The following SMNDC1 variants were observed in gnomAD, a reference collection of about 807,000 sequenced individuals.
SMNDC1 encodes survival of motor neuron-related-splicing factor 30.
In SMNDC1, 5 loss-of-function variants were observed where a neutral mutation model predicts 29.2. The ratio of observed to expected loss-of-function variants is 0.17; its 90% CI spans 0.09 to 0.36. The LOEUF (loss-of-function observed/expected upper bound fraction) is 0.36, where lower values mean the gene tolerates loss of function less well. Ranked by LOEUF, SMNDC1 falls within the 10% of genes least tolerant of loss-of-function variation. SMNDC1 has a pLI of 1.00. For missense variants in SMNDC1, 142 were observed against 268.5 expected (o/e 0.53, Z 3.29); for synonymous variants, 80 against 89.9 (o/e 0.89, Z 0.62).
At chr10:110,300,680 G>A in intron 2 of SMNDC1, 2 of 985,298 alleles carry the variant, frequency 2.0e-6, no homozygotes, top group Non-Finnish European at 2.4e-6. Context: ...GGTCAAATGG[G>A]GTGCACTCAA....
chr10:110,304,459 C>G (rs1268792692), intron 1 of SMNDC1: 3 of 152,292 alleles, frequency 2.0e-5, no homozygotes, highest in Non-Finnish European at 1.5e-5. Context: ...AGACCACCGC[C>G]GGAGCCCCGC....
chr10:110,299,616 G>A (rs1464242885), intron 2 of SMNDC1, among the ~76,000 whole-genome samples: 1 of 152,186 alleles, frequency 6.6e-6, no homozygotes, highest in Non-Finnish European at 1.5e-5. Context: ...CTCTAATGAA[G>A]ATCCACACTA....
intron 4 of SMNDC1, among the ~76,000 whole-genome samples, chr10:110,297,074 TCTTA>T (rs371080883): frequency 2.9e-4 from 44 of 152,308 alleles, no homozygotes; most frequent in Middle Eastern, 3.4e-3. Context: ...TGTACTTGGC[TCTTA>T]CTCTTTTCAA....
intron 2 of SMNDC1, among the ~76,000 whole-genome samples, chr10:110,302,104 T>C (rs983079781): frequency 1.3e-5 from 2 of 152,206 alleles, no homozygotes; most frequent in African/African-American, 4.8e-5. Context: ...GGCATCTCTC[T>C]TTGGGGCAAA....
chr10:110,295,535 C>A (rs1857552515), intron 4 of SMNDC1, among the ~76,000 whole-genome samples, 154 bp from the exon 5 acceptor site: 1 of 151,886 alleles, frequency 6.6e-6, no homozygotes, highest in Non-Finnish European at 1.5e-5. Flanking sequence ...TACCAATCAC[C>A]CAGAATTACT....
chr10:110,296,853 C>G (rs529825166), intron 4 of SMNDC1, among the ~76,000 whole-genome samples: 1 of 152,226 alleles, frequency 6.6e-6, no homozygotes, highest in South Asian at 2.1e-4. Context: ...CTCACCTCCC[C>G]CCTTTAAAAA....
In SMNDC1 at chr10:110,293,183, T is replaced by C. The variant is rs1319340795; in HGVS notation, c.*967A>G. The C allele has an allele frequency of 6.6e-6, 1 of 152,644 alleles. No homozygotes were observed. Among genetic ancestry groups the C allele is most frequent in the African/African-American group, 2.4e-5 (1 of 41,448 alleles). 9.5% of individuals were successfully genotyped at this position (152,644 alleles called of 1,614,324 possible). A position where few individuals can be genotyped will look rare whatever the true frequency, so the allele number is the denominator to read the frequency against. On this transcript the variant is annotated 3_prime_UTR_variant, in exon 6 of 6. Transcript: ENST00000369603. ...GCTTAAACTCAACTCAGGATAACTG[T>C]GATGATGTTCACTTACACCAACAAA...
At chr10:110,295,074 T>G (rs1410811315) in intron 5 of SMNDC1, among the ~76,000 whole-genome samples, 154 bp downstream of exon 5, 3 of 152,242 alleles carry the variant, frequency 2.0e-5, no homozygotes, top group Non-Finnish European at 2.9e-5. Context: ...GGCTAACATT[T>G]TTCAATAAGT....
chr10:110,295,547 A>T (rs963724243), intron 4 of SMNDC1, among the ~76,000 whole-genome samples, 166 bp from the exon 5 acceptor site: 1 of 152,192 alleles, frequency 6.6e-6, no homozygotes, highest in Non-Finnish European at 1.5e-5. Flanking sequence ...AGAATTACTA[A>T]GAAATGTTTT....
rs1239748183 is a variant in SMNDC1 at position 110,292,833 on chromosome 10, A to G, written c.*1317T>C. On this transcript the variant is annotated 3_prime_UTR_variant, in exon 6 of 6. Transcript: ENST00000369603. ...CCCCTTCCACCAAAAATCTACAAAC[A>G]CCCATTAAAATGAGGACATCCTATA... 2.6e-5 allele frequency: 4 copies of G among 152,236 alleles called. No individual in the cohort carries two copies. The highest frequency in any genetic ancestry group is 2.1e-4 in the South Asian group (1 of 4,820). 9.4% of individuals were successfully genotyped at this position (152,236 alleles called of 1,614,324 possible). A position where few individuals can be genotyped will look rare whatever the true frequency, so the allele number is the denominator to read the frequency against.
rs1857512596 is a variant in SMNDC1 at position 110,292,720 on chromosome 10, G to A, written c.*1430C>T. On this transcript the variant is annotated 3_prime_UTR_variant, in exon 6 of 6. Coordinates refer to ENST00000369603, the MANE Select transcript of SMNDC1 (RefSeq NM_005871.4). ...TCCTGGGTTGAGAGGGGTGGGTGTGGAAGGGAGAGATGAAGAATTCTACCT... is the reference window on the plus strand; with the variant it reads ...TCCTGGGTTGAGAGGGGTGGGTGTGAAAGGGAGAGATGAAGAATTCTACCT... The A allele has an allele frequency of 6.6e-6, 1 of 152,032 alleles. No homozygotes were observed. The highest frequency in any genetic ancestry group is 2.4e-5 in the African/African-American group (1 of 41,378). The allele number at this position is 152,032 out of a possible 1,614,324, so 9.4% of individuals were successfully genotyped here.
At chr10:110,300,669 A>G in intron 2 of SMNDC1, 1 of 985,430 alleles carries the variant, frequency 1.0e-6, no homozygotes, top group Non-Finnish European at 1.2e-6. Context: ...ACATATCAGC[A>G]GGTCAAATGG....
chr10:110,291,154 T>C lies in SMNDC1; in HGVS notation c.*2996A>G, dbSNP rs1482271927. ...CTTCATTTCCAAAGTCAAACTTTTATAGTTAACAGTTCTCAGACGGGGATG... is the reference window on the plus strand; with the variant it reads ...CTTCATTTCCAAAGTCAAACTTTTACAGTTAACAGTTCTCAGACGGGGATG... On this transcript the variant is annotated 3_prime_UTR_variant, in exon 6 of 6. Coordinates refer to ENST00000369603, the MANE Select transcript of SMNDC1 (RefSeq NM_005871.4). 6.6e-6 allele frequency: 1 copy of C among 152,230 alleles called. No homozygotes were observed. The highest frequency in any genetic ancestry group is 1.5e-5 in the Non-Finnish European group (1 of 68,026). The allele number at this position is 152,230 out of a possible 1,614,324, so 9.4% of individuals were successfully genotyped here.
rs888631509 is a variant in SMNDC1 at position 110,292,788 on chromosome 10, A to G, written c.*1362T>C. ...CAATTTATAAAAAAAATTAAAATTC[A>G]TGAAATAAAAACTTATTTTCCCCTT... On this transcript the variant is annotated 3_prime_UTR_variant, in exon 6 of 6. Transcript: ENST00000369603. 3 of 152,188 alleles carry G rather than the reference A, an allele frequency of 2.0e-5. No individual in the cohort carries two copies. Among genetic ancestry groups the G allele is most frequent in the Non-Finnish European group, 2.9e-5 (2 of 68,032 alleles). The allele number at this position is 152,188 out of a possible 1,614,324, so 9.4% of individuals were successfully genotyped here.
intron 4 of SMNDC1, among the ~76,000 whole-genome samples, chr10:110,296,922 C>T (rs189566099): frequency 2.0e-5 from 3 of 152,300 alleles, no homozygotes; most frequent in East Asian, 1.9e-4. Flanking sequence ...TAACACTTAT[C>T]GTTTGAATCC....
chr10:110,298,628 G>A lies in SMNDC1; in HGVS notation c.263+20C>T. The A allele has an allele frequency of 2.6e-6, 4 of 1,542,648 alleles. 1 individual carries two copies. In the South Asian group the frequency reaches 4.7e-5, roughly 18 times the overall value. Reference sequence around the variant, plus strand: ...TTTATTATTTCATGTTATAGTTAGAGTTTTTTTTTCTACACTTACTGTCCA... The same window carrying A: ...TTTATTATTTCATGTTATAGTTAGAATTTTTTTTTCTACACTTACTGTCCA... On this transcript the variant is annotated intron_variant, in intron 3 of 5. Transcript: ENST00000369603.
intron 4 of SMNDC1, among the ~76,000 whole-genome samples, chr10:110,296,415 TTTTA>T (rs569231930): frequency 2.1e-4 from 32 of 152,178 alleles, no homozygotes; most frequent in Non-Finnish European, 4.6e-4. Context: ...TGTTCTAGAA[TTTTA>T]TTTTATTGGA....
chr10:110,301,926 A>T (rs1396318605), intron 2 of SMNDC1, among the ~76,000 whole-genome samples: 1 of 152,212 alleles, frequency 6.6e-6, no homozygotes. Flanking sequence ...AGAAATATTA[A>T]AAAGACCTGA....
chr10:110,300,083 T>A (rs1435955153), intron 2 of SMNDC1, among the ~76,000 whole-genome samples: 3 of 152,100 alleles, frequency 2.0e-5, no homozygotes, highest in African/African-American at 7.2e-5. Context: ...AATTATCTGG[T>A]CTTATTTTTA....
Sources: gnomAD v4.1 joint callset for allele counts (sites outside exome capture counted in the v4.1 genomes callset) on GRCh38, gnomAD v4.1.1 for gene constraint, MANE v1.5 for transcripts, NCBI Gene and HGNC (gene_info 2026-07-23, HGNC 2026-07-21) for gene names.